Variants in PHACTR2 observed in about 807,000 individuals in gnomAD.
PHACTR2 encodes chromosome 6 open reading frame 56.
In PHACTR2, 30 loss-of-function variants were observed where a neutral mutation model predicts 76.0. That is an observed-to-expected ratio of 0.39 (90% CI 0.30 to 0.54). The LOEUF (loss-of-function observed/expected upper bound fraction) is 0.54. Among genes scored for constraint, PHACTR2 ranks in the 20% least tolerant of loss-of-function variants. The pLI is 0.61. For synonymous variants in PHACTR2, 292 were observed against 292.5 expected, an observed-to-expected ratio of 1.00 and a Z score of 0.02; for missense variants, 696 against 781.1, an observed-to-expected ratio of 0.89 and a Z score of 1.30.
rs188119289 is a variant in PHACTR2, at chr6:143,801,862, G to A, written c.1846-5195G>A. Among the ~76,000 whole-genome samples the A allele has an allele frequency of 1.3e-5, 2 of 152,218 alleles. No homozygotes were observed. Among genetic ancestry groups the A allele is most frequent in the Non-Finnish European group, 2.9e-5 (2 of 68,010 alleles). On this transcript the variant is annotated intron_variant, in intron 11 of 12. Transcript: ENST00000440869. The surrounding 1 kb of genome is among the most constrained non-coding windows in gnomAD (Gnocchi z 4.6). ...TATTTACCTTTGGTCTTTGATGTTGGTGACCTACAGATGGGGTTTGGGTGT... is the reference window on the plus strand; with the variant it reads ...TATTTACCTTTGGTCTTTGATGTTGATGACCTACAGATGGGGTTTGGGTGT...
chr6:143,560,885 GTGT>G (rs1562684385), intron 1 of PHACTR2, among the ~76,000 whole-genome samples: 17 of 31,588 alleles, frequency 5.4e-4, no homozygotes, highest in Non-Finnish European at 8.8e-4. Flanking sequence ...GCAGAGGGGT[GTGT>G]GTGTGTGTGT....
At position 143,597,953 on chromosome 6, in the gene PHACTR2, TGCACCTACGGAA is replaced by T. The variant is rs1433177329; in HGVS notation, c.217+60748_217+60759del. ...GTTACTCAGCACGCAAGACTTCAGGTGCACCTACGGAAGTAGCGGTGGGGGCTTTGGCTGTTT... is the reference window on the plus strand; with the variant it reads ...GTTACTCAGCACGCAAGACTTCAGGTGTAGCGGTGGGGGCTTTGGCTGTTT... On this transcript the variant is annotated intron_variant, in intron 1 of 11. Coordinates refer to the PHACTR2 transcript ENST00000367584. The surrounding 1 kb of genome is among the most constrained non-coding windows in gnomAD (Gnocchi z 5.7). Among the ~76,000 whole-genome samples, 5 of 152,156 alleles carry T rather than the reference TGCACCTACGGAA, an allele frequency of 3.3e-5. No individual in the cohort carries two copies. Among genetic ancestry groups the T allele is most frequent in the Non-Finnish European group, 7.4e-5 (5 of 68,020 alleles).
rs1779185777 is a variant in PHACTR2, at chr6:143,751,736, C to G, written c.296-2018C>G. On this transcript the variant is annotated intron_variant, in intron 3 of 12. Coordinates refer to ENST00000440869, the MANE Select transcript of PHACTR2 (RefSeq NM_001100164.2). This position sits in a 1 kb window ranked among gnomAD's most constrained non-coding sequence, Gnocchi z 5.7. ...TGTTGACTTGGGCCGCTTATTGTCA[C>G]CTGCCATCCAGCTCAGCATCTTCTT... 6.6e-6 allele frequency among the ~76,000 whole-genome samples: 1 copy of G among 151,408 alleles called. No individual in the cohort carries two copies. The highest frequency in any genetic ancestry group is 1.5e-5 in the Non-Finnish European group (1 of 67,906).
At position 143,730,845 on chromosome 6, in the gene PHACTR2, T is replaced by G. The variant is rs1162721451; in HGVS notation, c.215-18140T>G. ...TCACTGTAACCTCCGCCTCTTGGGT[T>G]CAAGCGATTCTCCTGCTTCAGCCTC... On this transcript the variant is annotated intron_variant, in intron 2 of 12. Coordinates refer to ENST00000440869, the MANE Select transcript of PHACTR2 (RefSeq NM_001100164.2). The surrounding 1 kb of genome is among the most constrained non-coding windows in gnomAD (Gnocchi z 4.8). Among the ~76,000 whole-genome samples, 1 of 152,178 alleles carries G rather than the reference T, an allele frequency of 6.6e-6. No homozygotes were observed. Among genetic ancestry groups the G allele is most frequent in the Non-Finnish European group, 1.5e-5 (1 of 68,022 alleles).
At chr6:143,560,901 G>GTA (rs1301172619) in intron 1 of PHACTR2, among the ~76,000 whole-genome samples, 2 of 150,268 alleles carry the variant, frequency 1.3e-5, no homozygotes, top group African/African-American at 4.9e-5. Flanking sequence ...GTGTGTGTGT[G>GTA]TGTGTGTGTG....
At chr6:143,649,003 TC>T (rs1776709697) in intron 1 of PHACTR2, among the ~76,000 whole-genome samples, 3 of 88,654 alleles carry the variant, frequency 3.4e-5, no homozygotes, top group African/African-American at 1.6e-4. Context: ...TCTGTGTGTC[TC>T]TGTGTGTGTC....
intron 1 of PHACTR2, among the ~76,000 whole-genome samples, chr6:143,704,079 G>GTGTGTGTGTGTGTGTGTC (rs1554221228): frequency 2.4e-3 from 352 of 146,314 alleles, no homozygotes; most frequent in African/African-American, 8.6e-3. Context: ...CATCATGGGT[G>GTGTGTGTGTGTGTGTGTC]TGTGTGTGTG....
In PHACTR2 at chr6:143,548,181, C is replaced by T. The variant is rs527502196; in HGVS notation, c.217+10974C>T. On this transcript the variant is annotated intron_variant, in intron 1 of 11. Transcript: ENST00000367584. This position sits in a 1 kb window ranked among gnomAD's most constrained non-coding sequence, Gnocchi z 4.5. ...GATGGCCATCTTCTTGCTGTGTCCT[C>T]ACATGGCAGAGGGAGGAAGAAAGCT... is the stretch of plus-strand genomic sequence containing the variant. Among the ~76,000 whole-genome samples the T allele has an allele frequency of 9.0e-4, 137 of 152,308 alleles. No homozygotes were observed. Among genetic ancestry groups the T allele is most frequent in the Non-Finnish European group, 1.6e-3 (107 of 68,028 alleles).
chr6:143,678,312 G>T lies in PHACTR2; in HGVS notation c.46+103G>T. 1 of 1,080,446 alleles carries T rather than the reference G, an allele frequency of 9.3e-7. No homozygotes were observed. The highest frequency in any genetic ancestry group is 1.7e-5 in the African/African-American group (1 of 59,472). 66.9% of individuals were successfully genotyped at this position (1,080,446 alleles called of 1,614,324 possible). A position where few individuals can be genotyped will look rare whatever the true frequency, so the allele number is the denominator to read the frequency against. On this transcript the variant is annotated intron_variant, in intron 1 of 12. Coordinates refer to ENST00000440869, the MANE Select transcript of PHACTR2 (RefSeq NM_001100164.2). The surrounding 1 kb of genome is among the most constrained non-coding windows in gnomAD (Gnocchi z 6.2). The stretch of plus-strand genomic sequence containing the variant: ...TAGTCGTCTGGTCGGGTTCCGCTCG[G>T]ACCCGCCAAGTCCCTCGGAGAAACC...
chr6:143,714,765 A>G (rs1216690401), intron 2 of PHACTR2, among the ~76,000 whole-genome samples: 3 of 152,150 alleles, frequency 2.0e-5, no homozygotes, highest in African/African-American at 7.2e-5. Flanking sequence ...GTCCCACGTA[A>G]GCTCTAGGTT....
At chr6:143,673,527 A>T (rs1430797618), upstream of PHACTR2, among the ~76,000 whole-genome samples, 1 of 152,220 alleles carries the variant, frequency 6.6e-6, no homozygotes, top group Non-Finnish European at 1.5e-5. Flanking sequence ...GGGCAGTCAT[A>T]TAAAAGATGT....
At position 143,591,551 on chromosome 6, in the gene PHACTR2, A is replaced by G. The variant is rs1244263425; in HGVS notation, c.217+54344A>G. On this transcript the variant is annotated intron_variant, in intron 1 of 11. Transcript: ENST00000367584. This position sits in a 1 kb window ranked among gnomAD's most constrained non-coding sequence, Gnocchi z 6.4. ...CAAGAGCAGCATGAACACAGCCCAG[A>G]GAGGCCGCAGACCTGAGGCTGCTGT... Among the ~76,000 whole-genome samples the G allele has an allele frequency of 6.6e-6, 1 of 152,202 alleles. No individual in the cohort carries two copies. Among genetic ancestry groups the G allele is most frequent in the African/African-American group, 2.4e-5 (1 of 41,458 alleles).
intron 3 of PHACTR2, among the ~76,000 whole-genome samples, chr6:143,749,651 T>C (rs1337249263): frequency 6.6e-6 from 1 of 152,196 alleles, no homozygotes; most frequent in African/African-American, 2.4e-5. Flanking sequence ...CTAGCAATGA[T>C]TATTTCTAAT....
At chr6:143,701,176 A>T (rs1777903502) in intron 1 of PHACTR2, among the ~76,000 whole-genome samples, 2 of 152,154 alleles carry the variant, frequency 1.3e-5, no homozygotes, top group African/African-American at 4.8e-5. Flanking sequence ...AGCTGCACAA[A>T]CATATTCGTT....
intron 2 of PHACTR2, among the ~76,000 whole-genome samples, chr6:143,713,349 T>C (rs1419044829): frequency 6.6e-6 from 1 of 152,158 alleles, no homozygotes; most frequent in East Asian, 1.9e-4. Context: ...GGTAAGATTA[T>C]AGATAAAGGA....
In PHACTR2 at chr6:143,740,332, T is replaced by C. The variant is rs540175999; in HGVS notation, c.215-8653T>C. Among the ~76,000 whole-genome samples, 4 of 152,144 alleles carry C rather than the reference T, an allele frequency of 2.6e-5. No homozygotes were observed. In the South Asian group the frequency reaches 8.3e-4, roughly 32 times the overall value. On this transcript the variant is annotated intron_variant, in intron 2 of 12. Coordinates refer to ENST00000440869, the MANE Select transcript of PHACTR2 (RefSeq NM_001100164.2). ...CATCAAGATCTTTAAGACCTGTATC[T>C]TGTGTTGACCTCCTAGCTCATCCTG...
intron 1 of PHACTR2, among the ~76,000 whole-genome samples, chr6:143,575,412 A>T (rs76490819): frequency 0.01 from 1,557 of 152,326 alleles, 32 homozygotes; most frequent in African/African-American, 0.033. Flanking sequence ...CTTAGTCTTT[A>T]TATGAATGAT....
chr6:143,570,687 G>GATC lies in PHACTR2; in HGVS notation c.217+33482_217+33484dup, dbSNP rs1284525391. On this transcript the variant is annotated intron_variant, in intron 1 of 11. Coordinates refer to the PHACTR2 transcript ENST00000367584. The surrounding 1 kb of genome is among the most constrained non-coding windows in gnomAD (Gnocchi z 4.6). ...CCTAATCCCCACACCTTTTTATGAA[G>GATC]ATCAGTCCTTTGCACAGCAGCCATG... Among the ~76,000 whole-genome samples the GATC allele has an allele frequency of 1.3e-5, 2 of 152,082 alleles. No homozygotes were observed. Among genetic ancestry groups the GATC allele is most frequent in the Non-Finnish European group, 1.5e-5 (1 of 68,024 alleles).
chr6:143,828,288 T>C lies in PHACTR2; in HGVS notation c.*4599T>C, dbSNP rs1262254099. Reference sequence around the variant, plus strand: ...TGCCCAGTTAGTTCAAACCCAGGTTTCAAAGAAGTAGCACTGGGCTCTACT... The same window carrying C: ...TGCCCAGTTAGTTCAAACCCAGGTTCCAAAGAAGTAGCACTGGGCTCTACT... On this transcript the variant is annotated 3_prime_UTR_variant, in exon 13 of 13. Coordinates refer to ENST00000440869, the MANE Select transcript of PHACTR2 (RefSeq NM_001100164.2). This position sits in a 1 kb window ranked among gnomAD's most constrained non-coding sequence, Gnocchi z 4.7. The C allele has an allele frequency of 6.6e-6, 1 of 152,180 alleles. No individual in the cohort carries two copies. Among genetic ancestry groups the C allele is most frequent in the Non-Finnish European group, 1.5e-5 (1 of 68,032 alleles). The allele number at this position is 152,180 out of a possible 1,614,324, so 9.4% of individuals were successfully genotyped here.
Sources: gnomAD v4.1 joint callset for allele counts (sites outside exome capture counted in the v4.1 genomes callset) on GRCh38, gnomAD v4.1.1 for gene constraint, Gnocchi (gnomAD v3.1) non-coding constraint, MANE v1.5 for transcripts, NCBI Gene and HGNC (gene_info 2026-07-23, HGNC 2026-07-21) for gene names.